The following AGMO variants were observed in gnomAD, a reference collection of about 807,000 sequenced individuals.
AGMO encodes glyceryl-ether monooxygenase.
A neutral mutation model predicts 60.2 loss-of-function variants in AGMO; 75 were observed. The observed-to-expected ratio is 1.25, with a 90% CI of 1.03 to 1.51. The LOEUF is 1.51. AGMO is among the 40% of genes most tolerant of loss of function. The pLI, the probability that AGMO is intolerant of heterozygous loss-of-function variation, is 0.00. For synonymous variants in AGMO, 261 were observed against 177.1 expected (o/e 1.47, Z -3.76); for missense variants, 763 against 525.5 (o/e 1.45, Z -4.42).
the AGMO span, among the ~76,000 whole-genome samples, chr7:15,177,903 G>A: frequency 1.3e-3 from 192 of 152,112 alleles, 2 homozygotes; most frequent in African/African-American, 4.4e-3. Flanking sequence ...TTATGACTCC[G>A]ATGTCCACCA....
chr7:15,317,240 T>TA (rs1780953282), intron 12 of AGMO, among the ~76,000 whole-genome samples: 1 of 152,168 alleles, frequency 6.6e-6, no homozygotes, highest in Non-Finnish European at 1.5e-5. Flanking sequence ...AGTTTAAGAT[T>TA]ATTTTTATGG....
In AGMO at chr7:15,455,979, T is replaced by A. The variant is rs115895771; in HGVS notation, c.410-24871A>T. On this transcript the variant is annotated intron_variant, in intron 3 of 12. Transcript: ENST00000342526. ...CAGAAATTTTCTTAATGCATTTTTTTATGATATCCTGCTTTCCATTTTCTC... is the reference window on the plus strand; with the variant it reads ...CAGAAATTTTCTTAATGCATTTTTTAATGATATCCTGCTTTCCATTTTCTC... Among the ~76,000 whole-genome samples, 921 of 152,246 alleles carry A rather than the reference T, an allele frequency of 6.0e-3. 10 individuals carry two copies. Among genetic ancestry groups the A allele is most frequent in the African/African-American group, 0.021 (877 of 41,576 alleles).
chr7:15,477,131 CTT>C (rs76639484), intron 3 of AGMO, among the ~76,000 whole-genome samples: 1 of 151,040 alleles, frequency 6.6e-6, no homozygotes, highest in Non-Finnish European at 1.5e-5. Flanking sequence ...TTAGAACATT[CTT>C]TTTTTTTACA....
At chr7:15,515,640 A>G (rs756864454) in intron 3 of AGMO, among the ~76,000 whole-genome samples, 2 of 152,246 alleles carry the variant, frequency 1.3e-5, no homozygotes, top group Non-Finnish European at 2.9e-5. Flanking sequence ...TTCCTGTGTC[A>G]TGCTCCAATA....
intron 3 of AGMO, 36 bp downstream of exon 3, chr7:15,544,736 A>G (rs1394374272): frequency 1.3e-6 from 2 of 1,519,828 alleles, no homozygotes; most frequent in Non-Finnish European, 1.8e-6. Flanking sequence ...ACACAGTTCA[A>G]CATAAGTTAA....
intron 2 of AGMO, among the ~76,000 whole-genome samples, chr7:15,559,361 A>G (rs1342030563): frequency 6.6e-6 from 1 of 152,118 alleles, no homozygotes; most frequent in African/African-American, 2.4e-5. Context: ...TAAGCACACA[A>G]TTCCATGGGA....
chr7:15,168,880 C>G, the AGMO span, among the ~76,000 whole-genome samples: 1 of 152,208 alleles, frequency 6.6e-6, no homozygotes, highest in Non-Finnish European at 1.5e-5. Flanking sequence ...TAGTGCCACT[C>G]TCATTGGAGA....
the AGMO span, among the ~76,000 whole-genome samples, chr7:15,118,363 T>C: frequency 2.0e-5 from 3 of 152,006 alleles, no homozygotes; most frequent in African/African-American, 7.2e-5. Flanking sequence ...TATAGTTACA[T>C]GCAATTATCT....
At chr7:15,353,310 A>G (rs1209117745) in intron 12 of AGMO, among the ~76,000 whole-genome samples, 1 of 152,198 alleles carries the variant, frequency 6.6e-6, no homozygotes, top group Non-Finnish European at 1.5e-5. Flanking sequence ...CTTGGTGAAG[A>G]ACAAGCCATG....
intron 3 of AGMO, among the ~76,000 whole-genome samples, chr7:15,438,093 A>G (rs1781450412): frequency 6.6e-6 from 1 of 152,180 alleles, no homozygotes; most frequent in South Asian, 2.1e-4. Context: ...AACAAAATAA[A>G]ACGATAGATT....
At chr7:15,368,027 C>T (rs1297137305) in intron 10 of AGMO, among the ~76,000 whole-genome samples, 1 of 152,012 alleles carries the variant, frequency 6.6e-6, no homozygotes, top group Non-Finnish European at 1.5e-5. Context: ...GGCCAACTTC[C>T]TGGAATGGCA....
At chr7:15,257,334 A>T (rs1410010371) in intron 12 of AGMO, among the ~76,000 whole-genome samples, 1 of 152,190 alleles carries the variant, frequency 6.6e-6, no homozygotes, top group African/African-American at 2.4e-5. Flanking sequence ...TACTATGGAC[A>T]TATTAATATT....
chr7:15,157,958 T>C, the AGMO span, among the ~76,000 whole-genome samples: 1 of 152,182 alleles, frequency 6.6e-6, no homozygotes, highest in African/African-American at 2.4e-5. Flanking sequence ...GCTCTTGCCT[T>C]GAATATTCTG....
intron 3 of AGMO, among the ~76,000 whole-genome samples, chr7:15,505,895 T>C (rs1403661670): frequency 1.3e-5 from 2 of 152,056 alleles, no homozygotes; most frequent in Non-Finnish European, 2.9e-5. Context: ...TTTTAAAGTT[T>C]AATAGTTTCA....
chr7:15,455,783 C>A (rs1287817966), intron 3 of AGMO, among the ~76,000 whole-genome samples: 1 of 152,078 alleles, frequency 6.6e-6, no homozygotes, highest in African/African-American at 2.4e-5. Context: ...TTTGATTCCA[C>A]CTCCTTTGAA....
At chr7:15,436,639 A>T (rs1781411982) in intron 3 of AGMO, among the ~76,000 whole-genome samples, 1 of 152,204 alleles carries the variant, frequency 6.6e-6, no homozygotes, top group Admixed American at 6.5e-5. Context: ...TATAAAGAAA[A>T]TAAAATTGAA....
intron 10 of AGMO, among the ~76,000 whole-genome samples, chr7:15,378,815 C>G (rs1437591440): frequency 6.6e-6 from 1 of 151,382 alleles, no homozygotes; most frequent in Non-Finnish European, 1.5e-5. Context: ...AATTTACATT[C>G]TTCTCATCGC....
intron 12 of AGMO, among the ~76,000 whole-genome samples, chr7:15,340,654 T>C (rs1293623676): frequency 6.6e-6 from 1 of 152,144 alleles, no homozygotes; most frequent in Non-Finnish European, 1.5e-5. Flanking sequence ...CCATGTGGTG[T>C]TGGTCCTATG....
chr7:15,284,869 G>C (rs1784058802), intron 12 of AGMO, among the ~76,000 whole-genome samples: 1 of 151,938 alleles, frequency 6.6e-6, no homozygotes. Context: ...ACATCAAAAA[G>C]ATAATAAATC....
Sources: allele counts gnomAD v4.1 joint callset (sites outside exome capture counted in the v4.1 genomes callset), GRCh38; gene constraint gnomAD v4.1.1; transcripts MANE v1.5; gene names NCBI Gene and HGNC (gene_info 2026-07-23, HGNC 2026-07-21).